The following MEP1B variants were observed in gnomAD, a reference collection of about 807,000 sequenced individuals.
MEP1B encodes the protein N-benzoyl-L-tyrosyl-P-amino-benzoic acid hydrolase subunit beta.
In MEP1B, 80 loss-of-function variants were observed where a neutral mutation model predicts 84.6. The observed-to-expected ratio is 0.95, with a 90% CI of 0.79 to 1.14. MEP1B has a LOEUF of 1.14. Ranked by LOEUF, MEP1B falls within the 50% of genes most tolerant of loss-of-function variation. The pLI, the probability that MEP1B is intolerant of heterozygous loss-of-function variation, is 0.00. For synonymous variants in MEP1B, 273 were observed against 288.1 expected, an observed-to-expected ratio of 0.95 and a Z score of 0.53; for missense variants, 766 against 855.1, an observed-to-expected ratio of 0.90 and a Z score of 1.30.
intron 10 of MEP1B, among the ~76,000 whole-genome samples, chr18:32,210,989 C>T (rs1281370978): frequency 3.3e-5 from 5 of 152,154 alleles, no homozygotes; most frequent in East Asian, 1.9e-4. Flanking sequence ...CAAGGCTGGG[C>T]GCAGTGGCTC....
At chr18:32,211,655 G>A (rs930730161) in intron 10 of MEP1B, among the ~76,000 whole-genome samples, 2 of 152,164 alleles carry the variant, frequency 1.3e-5, no homozygotes, top group African/African-American at 4.8e-5. Flanking sequence ...TCCTGAGTGG[G>A]AAATGGGTAC....
chr18:32,191,719 T>G (rs1202060681), intron 1 of MEP1B, 103 bp from the exon 2 acceptor site: 1 of 711,102 alleles, frequency 1.4e-6, no homozygotes, highest in Non-Finnish European at 2.3e-6. Flanking sequence ...ATAATATTAA[T>G]GACAAAACAA....
At chr18:32,205,454 C>T (rs1342706312) in intron 7 of MEP1B, among the ~76,000 whole-genome samples, 9 of 152,204 alleles carry the variant, frequency 5.9e-5, no homozygotes, top group Non-Finnish European at 1.3e-4. Flanking sequence ...TGACACCACA[C>T]TTCTTGAAAT....
In MEP1B at chr18:32,207,469, C is replaced by G; in HGVS notation, c.765C>G (p.Cys255Trp). Residue 255 changes from cysteine to tryptophan, a missense_variant and splice_region_variant, in exon 8 of 15, where the codon TGC becomes TGG. Cys to Trp is a radical substitution (Grantham distance 215, BLOSUM62 -2). Transcript: ENST00000269202. ...TAAAGTTGAATCAACTGTATAACTG[C>G]TGTATGTGACAGGTTCTTTGAAATG... ...DLLKLNQLYNCSSSLSFMDSC... is the reference protein window; with the variant it reads ...DLLKLNQLYNWSSSLSFMDSC... 1 of 1,592,228 alleles carries G rather than the reference C, an allele frequency of 6.3e-7. No individual in the cohort carries two copies. Among genetic ancestry groups the G allele is most frequent in the Non-Finnish European group, 8.6e-7 (1 of 1,162,506 alleles).
At chr18:32,190,969 G>A (rs2040796602) in intron 1 of MEP1B, among the ~76,000 whole-genome samples, 1 of 152,022 alleles carries the variant, frequency 6.6e-6, no homozygotes, top group Non-Finnish European at 1.5e-5. Context: ...GAATAAAATT[G>A]TACTTTACAC....
Position 32,208,119 on chromosome 18 carries a change from C to G in MEP1B, c.767C>G (p.Ser256Cys). 6.2e-6 allele frequency: 10 copies of G among 1,612,780 alleles called. No homozygotes were observed. Among genetic ancestry groups the G allele is most frequent in the Non-Finnish European group, 8.5e-6 (10 of 1,179,170 alleles). Residue 256 changes from serine to cysteine, a missense_variant and splice_region_variant, in exon 9 of 15, where the codon TCC becomes TGC. Transcript: ENST00000269202. ...LLKLNQLYNC[S>C]SSLSFMDSCS... ...AATAATTGTTTTTTGCTTTTTGTAG[C>G]CTCTTCCTTGAGTTTTATGGACTCG...
At position 32,208,144 on chromosome 18, in the gene MEP1B, G is replaced by A. The variant is rs4799640; in HGVS notation, c.792G>A (p.Ser264=). The A allele has an allele frequency of 0.25, 395,451 of 1,612,968 alleles. 49,889 individuals are homozygous for A. The highest frequency in any genetic ancestry group is 0.28 in the South Asian group (25,691 of 90,992). The change falls in exon 9 of 15, where the codon TCG becomes TCA. Residue 264 remains serine, a synonymous_variant. Coordinates refer to ENST00000269202, the MANE Select transcript of MEP1B (RefSeq NM_005925.3). ...CCTCTTCCTTGAGTTTTATGGACTC[G>A]TGCAGTTTTGAACTGGAAAATGTGT... The part of the protein sequence containing the change: ...NCSSSLSFMD[S]CSFELENVCG...
At chr18:32,190,444 G>A (rs1170696261) in intron 1 of MEP1B, among the ~76,000 whole-genome samples, 1 of 152,116 alleles carries the variant, frequency 6.6e-6, no homozygotes, top group Non-Finnish European at 1.5e-5. Flanking sequence ...ATGAAATGCA[G>A]ATTGCTGCAC....
chr18:32,192,170 T>G lies in MEP1B; in HGVS notation c.82+330T>G, dbSNP rs2040808161. ...GTCTACTCAGTATTCACTTGCATAC[T>G]CGGAGATTTGGCCATATTATATACA... On this transcript the variant is annotated intron_variant, in intron 2 of 14. Transcript: ENST00000269202. Among the ~76,000 whole-genome samples the G allele has an allele frequency of 3.3e-5, 5 of 152,224 alleles. No individual in the cohort carries two copies. In the South Asian group the frequency reaches 1.0e-3, roughly 32 times the overall value.
chr18:32,210,769 C>A (rs2041018421), intron 10 of MEP1B, 53 bp downstream of exon 10: 11 of 1,489,776 alleles, frequency 7.4e-6, no homozygotes, highest in Non-Finnish European at 1.9e-6. Context: ...AATCTTAGGT[C>A]TTTTCTTTAG....
rs375998478 is a variant in MEP1B at position 32,192,770 on chromosome 18, T to C, written c.128-4T>C. ...CTAACATGAATTTTTATCTTTACTC[T>C]TAGGTTTGGGACTGGATCTTTTTGA... On this transcript the variant is annotated splice_region_variant and splice_polypyrimidine_tract_variant and intron_variant, in intron 3 of 14. Coordinates refer to ENST00000269202, the MANE Select transcript of MEP1B (RefSeq NM_005925.3). 9 of 1,612,776 alleles carry C rather than the reference T, an allele frequency of 5.6e-6. No individual in the cohort carries two copies. The African/African-American group carries it at 1.2e-4, about 22-fold the overall frequency.
Position 32,190,202 on chromosome 18 carries a change from AGT to A in MEP1B, c.63+72_63+73del, listed in dbSNP as rs201647342. 8.4e-4 allele frequency: 944 copies of A among 1,118,330 alleles called. 4 individuals carry two copies. In the East Asian group the frequency reaches 0.01, roughly 12 times the overall value. The allele number at this position is 1,118,330 out of a possible 1,614,324, so 69.3% of individuals were successfully genotyped here. On this transcript the variant is annotated intron_variant, in intron 1 of 14. Transcript: ENST00000269202. ...AGTTGATATTGATTGTTAAAGAACAAGTGTTTTTTTTTTGTTTGTTTTTTATA... is the reference window on the plus strand; with the variant it reads ...AGTTGATATTGATTGTTAAAGAACAAGTTTTTTTTTTGTTTGTTTTTTATA...
At chr18:32,190,893 A>C (rs1302918972) in intron 1 of MEP1B, among the ~76,000 whole-genome samples, 1 of 152,180 alleles carries the variant, frequency 6.6e-6, no homozygotes, top group Non-Finnish European at 1.5e-5. Flanking sequence ...CCATCCATCC[A>C]GTTCATTCCC....
rs765230178 is a variant in MEP1B at position 32,210,520 on chromosome 18, T to C, written c.939T>C (p.His313=). ...GQCQGSGFFM[H]FDSSSVNVGA... The stretch of plus-strand genomic sequence containing the variant: ...TAACAGGTTCTGGTTTCTTCATGCA[T>C]TTCGATAGCAGCTCTGTAAATGTGG... Residue 313 remains histidine, a synonymous_variant, in exon 10 of 15, where the codon CAT becomes CAC. Transcript: ENST00000269202. 6.2e-6 allele frequency: 10 copies of C among 1,613,906 alleles called. No individual in the cohort carries two copies. The highest frequency in any genetic ancestry group is 8.5e-6 in the Non-Finnish European group (10 of 1,179,818).
At chr18:32,191,715 T>G (rs2040803275) in intron 1 of MEP1B, 107 bp from the exon 2 acceptor site, 3 of 687,550 alleles carry the variant, frequency 4.4e-6, no homozygotes, top group Non-Finnish European at 7.3e-6. Context: ...ATCCATAATA[T>G]TAATGACAAA....
intron 5 of MEP1B, among the ~76,000 whole-genome samples, chr18:32,197,873 CA>C (rs1463348702): frequency 1.3e-5 from 2 of 152,208 alleles, no homozygotes; most frequent in Non-Finnish European, 2.9e-5. Context: ...GTGGCTTCTT[CA>C]ACCCTTTTCT....
At chr18:32,216,801 G>C (rs1026610887) in intron 12 of MEP1B, among the ~76,000 whole-genome samples, 190 bp from the exon 13 acceptor site, 1 of 151,860 alleles carries the variant, frequency 6.6e-6, no homozygotes, top group Admixed American at 6.6e-5. Context: ...CTCTGAGGCC[G>C]GAGTGGAAAG....
intron 5 of MEP1B, among the ~76,000 whole-genome samples, chr18:32,199,647 T>C (rs1205809044): frequency 6.7e-6 from 1 of 149,280 alleles, no homozygotes; most frequent in Admixed American, 6.7e-5. Flanking sequence ...GTTTTAATTC[T>C]TCCTTTTTTT....
At chr18:32,197,404 TG>T (rs761934984) in intron 5 of MEP1B, among the ~76,000 whole-genome samples, 1 of 66,156 alleles carries the variant, frequency 1.5e-5, no homozygotes, top group African/African-American at 4.4e-5. Flanking sequence ...TTTTCATTTT[TG>T]TTTTTTTTTT....
Sources: allele counts gnomAD v4.1 joint callset (sites outside exome capture counted in the v4.1 genomes callset), GRCh38; gene constraint gnomAD v4.1.1; transcripts MANE v1.5; gene names NCBI Gene and HGNC (gene_info 2026-07-23, HGNC 2026-07-21).